The following C7orf33 variants were observed in gnomAD, a reference collection of about 807,000 sequenced individuals.
C7orf33 encodes the protein uncharacterized protein C7orf33.
In C7orf33, 15 loss-of-function variants were observed where a neutral mutation model predicts 13.4. The observed-to-expected ratio is 1.12, with a 90% CI of 0.75 to 1.72. C7orf33 has a LOEUF of 1.72. Ranked by LOEUF, C7orf33 falls within the 40% of genes most tolerant of loss-of-function variation. C7orf33 has a pLI of 0.00. For synonymous variants in C7orf33, 73 were observed against 83.2 expected (o/e 0.88, Z 0.67); for missense variants, 187 against 220.3 (o/e 0.85, Z 0.96).
intron 1 of C7orf33, among the ~76,000 whole-genome samples, chr7:148,601,458 A>G (rs1006998979): frequency 3.3e-5 from 5 of 149,884 alleles, no homozygotes; most frequent in African/African-American, 1.2e-4. Flanking sequence ...CCATCCTCCC[A>G]CCTCAGCCTC....
intron 1 of C7orf33, among the ~76,000 whole-genome samples, chr7:148,601,314 G>C (rs1425243151): frequency 2.0e-5 from 3 of 151,968 alleles, no homozygotes; most frequent in Non-Finnish European, 2.9e-5. Context: ...TTTAGTAGCA[G>C]GTTATTTATT....
At chr7:148,600,826 G>A (rs1453525916) in intron 1 of C7orf33, among the ~76,000 whole-genome samples, 5 of 115,930 alleles carry the variant, frequency 4.3e-5, no homozygotes, top group African/African-American at 1.1e-4. Flanking sequence ...TTTTTGAGAC[G>A]GAGTCTCGCT....
chr7:148,600,784 C>G (rs1244978585), intron 1 of C7orf33, among the ~76,000 whole-genome samples: 2 of 149,496 alleles, frequency 1.3e-5, no homozygotes, highest in Admixed American at 6.6e-5. Context: ...TCTGCTTTCT[C>G]CATTTTATGG....
chr7:148,604,442 T>C (rs1563122856), intron 1 of C7orf33, among the ~76,000 whole-genome samples: 1 of 152,232 alleles, frequency 6.6e-6, no homozygotes, highest in Non-Finnish European at 1.5e-5. Flanking sequence ...ATCATTATTC[T>C]AAGTGAAGTA....
chr7:148,611,716 A>T (rs1392869359), intron 1 of C7orf33, among the ~76,000 whole-genome samples: 1 of 152,212 alleles, frequency 6.6e-6, no homozygotes, highest in Non-Finnish European at 1.5e-5. Context: ...CATTGAGCTG[A>T]TTAGCACACA....
intron 1 of C7orf33, among the ~76,000 whole-genome samples, chr7:148,613,449 G>A (rs147139289): frequency 7.9e-5 from 12 of 152,276 alleles, no homozygotes; most frequent in South Asian, 4.1e-4. Context: ...TAAATAATTC[G>A]TGGTCTACCT....
intron 1 of C7orf33, among the ~76,000 whole-genome samples, chr7:148,606,374 T>A (rs892569964): frequency 6.6e-6 from 1 of 152,158 alleles, no homozygotes; most frequent in African/African-American, 2.4e-5. Context: ...CAAAAATACC[T>A]CACCTCTGGA....
chr7:148,603,506 CAA>C (rs1464864211), intron 1 of C7orf33, among the ~76,000 whole-genome samples: 2 of 151,636 alleles, frequency 1.3e-5, no homozygotes, highest in East Asian at 3.9e-4. Context: ...ACTCTGTCTC[CAA>C]AAAAAGAGAA....
chr7:148,603,043 A>G (rs1796434200), intron 1 of C7orf33, among the ~76,000 whole-genome samples: 1 of 152,184 alleles, frequency 6.6e-6, no homozygotes, highest in Admixed American at 6.5e-5. Context: ...CATCATCACA[A>G]AGAGAACGCT....
chr7:148,605,839 C>T (rs886852625), intron 1 of C7orf33, among the ~76,000 whole-genome samples: 4 of 152,158 alleles, frequency 2.6e-5, no homozygotes, highest in African/African-American at 9.7e-5. Flanking sequence ...ACATTTTTAC[C>T]TAGTTAACAC....
At chr7:148,602,674 G>T (rs1468908362) in intron 1 of C7orf33, among the ~76,000 whole-genome samples, 2 of 151,848 alleles carry the variant, frequency 1.3e-5, no homozygotes, top group African/African-American at 4.8e-5. Flanking sequence ...TCCTGGCCAG[G>T]GCAGTAAGGC....
intron 2 of C7orf33, among the ~76,000 whole-genome samples, chr7:148,614,651 T>C (rs1796581837): frequency 6.6e-6 from 1 of 152,320 alleles, no homozygotes; most frequent in Non-Finnish European, 1.5e-5. Flanking sequence ...GGAGCTGGCA[T>C]TGTACTTGCA....
rs768885608 is a variant in C7orf33, at chr7:148,615,652, C to T, written c.*251C>T. ...TGGTGTGGGGCCCAGGAGAGGACCA[C>T]GGAGTGACAAGCCACCAGGTTCTAA... On this transcript the variant is annotated 3_prime_UTR_variant, in exon 3 of 3. Transcript: ENST00000307003. 50 of 388,650 alleles carry T rather than the reference C, an allele frequency of 1.3e-4. No homozygotes were observed. Among genetic ancestry groups the T allele is most frequent in the Non-Finnish European group, 2.2e-4 (45 of 207,530 alleles). The allele number at this position is 388,650 out of a possible 1,614,324, so 24.1% of individuals were successfully genotyped here. A position where few individuals can be genotyped will look rare whatever the true frequency, so the allele number is the denominator to read the frequency against.
rs113476844 is a variant in C7orf33 at position 148,602,395 on chromosome 7, A to G, written c.204+11266A>G. On this transcript the variant is annotated intron_variant, in intron 1 of 2. Transcript: ENST00000307003. ...GTGGATCACTTGATGTCCGGAGTTC[A>G]AGACCAGCCTAGCCAACATAGTGAA... Among the ~76,000 whole-genome samples, 1,334 of 152,212 alleles carry G rather than the reference A, an allele frequency of 8.8e-3. 17 individuals are homozygous for G. Among genetic ancestry groups the G allele is most frequent in the African/African-American group, 0.031 (1,273 of 41,522 alleles).
At position 148,615,454 on chromosome 7, in the gene C7orf33, T is replaced by C; in HGVS notation, c.*53T>C. The C allele has an allele frequency of 8.9e-7, 1 of 1,127,360 alleles. No individual in the cohort carries two copies. The highest frequency in any genetic ancestry group is 1.3e-6 in the Non-Finnish European group (1 of 743,088). 69.8% of individuals were successfully genotyped at this position (1,127,360 alleles called of 1,614,324 possible). Reference sequence around the variant, plus strand: ...CTCTAAATTTGTGTAGATTGTGAAATCTCTTCTTGCAAGAAAAAAGAGAAA... The same window carrying C: ...CTCTAAATTTGTGTAGATTGTGAAACCTCTTCTTGCAAGAAAAAAGAGAAA... On this transcript the variant is annotated 3_prime_UTR_variant, in exon 3 of 3. Coordinates refer to ENST00000307003, the MANE Select transcript of C7orf33 (RefSeq NM_145304.4).
At chr7:148,597,841 C>T (rs111296605) in intron 1 of C7orf33, among the ~76,000 whole-genome samples, 15 of 152,208 alleles carry the variant, frequency 9.9e-5, no homozygotes, top group Middle Eastern at 3.4e-3. Flanking sequence ...CTGCAAGCTC[C>T]GCTTCCCAGG....
At chr7:148,614,479 TTAAGA>T (rs1374672962) in intron 2 of C7orf33, among the ~76,000 whole-genome samples, 183 bp downstream of exon 2, 11 of 152,328 alleles carry the variant, frequency 7.2e-5, no homozygotes, top group African/African-American at 2.6e-4. Context: ...TTGATTTATG[TTAAGA>T]TAAAAGAAAG....
intron 1 of C7orf33, among the ~76,000 whole-genome samples, chr7:148,607,278 G>C (rs1171117499): frequency 1.3e-5 from 2 of 152,162 alleles, no homozygotes; most frequent in African/African-American, 4.8e-5. Context: ...GTCTAAAACT[G>C]TCTTCAGTGG....
rs566641914 is a variant in C7orf33, at chr7:148,614,069, C to T, written c.232C>T (p.Arg78Trp). Reference protein sequence around the residue: ...KKPNPHQNMNRGMEFIAPVSA... With the variant: ...KKPNPHQNMNWGMEFIAPVSA... ...GCCAAACCCACACCAAAACATGAACCGGGGGATGGAATTTATTGCTCCTGT... is the reference window on the plus strand; with the variant it reads ...GCCAAACCCACACCAAAACATGAACTGGGGGATGGAATTTATTGCTCCTGT... Residue 78 changes from arginine (R) to tryptophan (W), a missense_variant, in exon 2 of 3, where the codon CGG becomes TGG. Transcript: ENST00000307003. 48 of 1,614,050 alleles carry T rather than the reference C, an allele frequency of 3.0e-5. No individual in the cohort carries two copies. The highest frequency in any genetic ancestry group is 1.9e-4 in the South Asian group (17 of 91,062).
Sources: gnomAD v4.1 joint callset for allele counts (sites outside exome capture counted in the v4.1 genomes callset) on GRCh38, gnomAD v4.1.1 for gene constraint, MANE v1.5 for transcripts, NCBI Gene and HGNC (gene_info 2026-07-23, HGNC 2026-07-21) for gene names.